Variants in ZFP36L1 observed in about 807,000 individuals in gnomAD.
ZFP36L1 encodes the protein ZFP36 like 1 zinc finger CCCH-type, also known as mRNA decay activator protein ZFP36L1.
ZFP36L1 carries 4 observed loss-of-function variants against 16.7 expected under a neutral mutation model. That is an observed-to-expected ratio of 0.24 (90% CI 0.12 to 0.55). ZFP36L1 has a LOEUF of 0.55. Among genes scored for constraint, ZFP36L1 ranks in the 20% least tolerant of loss-of-function variants. The pLI, the probability that ZFP36L1 is intolerant of heterozygous loss-of-function variation, is 0.94. For missense variants in ZFP36L1, 311 were observed against 449.2 expected (o/e 0.69, Z 2.78); for synonymous variants, 220 against 190.8 (o/e 1.15, Z -1.26).
upstream of ZFP36L1, chr14:68,793,800 G>A (rs912375810): frequency 1.2e-5 from 12 of 984,996 alleles, no homozygotes; most frequent in Non-Finnish European, 1.4e-5. Flanking sequence ...CGCGCTGCTG[G>A]GGGGACTAGG....
upstream of ZFP36L1, chr14:68,793,519 G>C: frequency 1.0e-6 from 1 of 985,964 alleles, no homozygotes; most frequent in Admixed American, 6.1e-5. Context: ...GTTTTTTGTT[G>C]GGCAGGAAGG....
chr14:68,793,711 T>C (rs1214334246), upstream of ZFP36L1: 1 of 985,398 alleles, frequency 1.0e-6, no homozygotes, highest in African/African-American at 1.7e-5. Flanking sequence ...CCGAGGACAT[T>C]AGAAATTTGG....
upstream of ZFP36L1, chr14:68,793,124 G>A: frequency 1.5e-6 from 2 of 1,369,610 alleles, no homozygotes; most frequent in Non-Finnish European, 1.9e-6. Context: ...GCCGGGGGGA[G>A]GAGGAGCTTT....
chr14:68,795,082 CA>C (rs371579139), upstream of ZFP36L1, among the ~76,000 whole-genome samples: 121 of 152,234 alleles, frequency 7.9e-4, no homozygotes, highest in African/African-American at 2.9e-3. Context: ...TAATTTAAAT[CA>C]TTCAAGTGTA....
chr14:68,792,781 C>G, intron 1 of ZFP36L1, 101 bp downstream of exon 1: 1 of 1,492,218 alleles, frequency 6.7e-7, no homozygotes, highest in Non-Finnish European at 9.3e-7. Flanking sequence ...TCTCGCTGCA[C>G]CACTTTCCCC....
At chr14:68,791,658 G>C (rs1290040381) in intron 1 of ZFP36L1, among the ~76,000 whole-genome samples, 2 of 151,664 alleles carry the variant, frequency 1.3e-5, no homozygotes, top group Admixed American at 1.3e-4. Context: ...AGTCGTGAGG[G>C]GGGAGGGGGG....
At chr14:68,792,307 C>T (rs1895101910) in intron 1 of ZFP36L1, among the ~76,000 whole-genome samples, 2 of 152,146 alleles carry the variant, frequency 1.3e-5, no homozygotes, top group East Asian at 1.9e-4. Context: ...CGGGAAGAAG[C>T]CCAACGGAGC....
In ZFP36L1 at chr14:68,789,415, G is replaced by T; in HGVS notation, c.*118C>A. Reference sequence around the variant, plus strand: ...TCTGAGGTGCTGGGGGAAAGGGGTTGAGCTTAACCTTGTTAATGTAGGGCC... The same window carrying T: ...TCTGAGGTGCTGGGGGAAAGGGGTTTAGCTTAACCTTGTTAATGTAGGGCC... On this transcript the variant is annotated 3_prime_UTR_variant, in exon 2 of 2. Transcript: ENST00000439696. This position sits in a 1 kb window ranked among gnomAD's most constrained non-coding sequence, Gnocchi z 4.5. The T allele has an allele frequency of 2.0e-6, 3 of 1,472,614 alleles. No individual in the cohort carries two copies. Among genetic ancestry groups the T allele is most frequent in the Non-Finnish European group, 2.8e-6 (3 of 1,083,858 alleles). The allele number at this position is 1,472,614 out of a possible 1,614,324, so 91.2% of individuals were successfully genotyped here.
Position 68,789,415 on chromosome 14 carries a change from G to C in ZFP36L1, c.*118C>G. 6.8e-7 allele frequency: 1 copy of C among 1,472,616 alleles called. No homozygotes were observed. The highest frequency in any genetic ancestry group is 1.4e-5 in the African/African-American group (1 of 71,604). 91.2% of individuals were successfully genotyped at this position (1,472,616 alleles called of 1,614,324 possible). On this transcript the variant is annotated 3_prime_UTR_variant, in exon 2 of 2. Transcript: ENST00000439696. The surrounding 1 kb of genome is among the most constrained non-coding windows in gnomAD (Gnocchi z 4.5). ...TCTGAGGTGCTGGGGGAAAGGGGTT[G>C]AGCTTAACCTTGTTAATGTAGGGCC...
At chr14:68,795,650 G>A (rs1467761284), upstream of ZFP36L1, 12 of 390,772 alleles carry the variant, frequency 3.1e-5, no homozygotes, top group Non-Finnish European at 5.7e-5. Context: ...CCCTCTCCCC[G>A]GGGGCGCGGG....
At chr14:68,791,283 A>G (rs1895062493) in intron 1 of ZFP36L1, 3 of 547,162 alleles carry the variant, frequency 5.5e-6, no homozygotes, top group Non-Finnish European at 9.7e-6. Context: ...TAAGAGCTCC[A>G]GTGTTTAATC....
At chr14:68,796,144 C>A, upstream of ZFP36L1, 1 of 1,366,354 alleles carries the variant, frequency 7.3e-7, no homozygotes. Flanking sequence ...TCCGGGCCCT[C>A]CCCATTCGCC....
rs983275312 is a variant in ZFP36L1, at chr14:68,788,658, A to G, written c.*875T>C. On this transcript the variant is annotated 3_prime_UTR_variant, in exon 2 of 2. Transcript: ENST00000439696. The stretch of plus-strand genomic sequence containing the variant: ...TATTTTTTTTAAAAAGATGTCACAT[A>G]TGAACTGGGGAACTTTAGCACCAAA... 1 of 151,268 alleles carries G rather than the reference A, an allele frequency of 6.6e-6. No homozygotes were observed. The highest frequency in any genetic ancestry group is 1.5e-5 in the Non-Finnish European group (1 of 67,876). The allele number at this position is 151,268 out of a possible 1,614,324, so 9.4% of individuals were successfully genotyped here.
At position 68,789,895 on chromosome 14, in the gene ZFP36L1, G is replaced by A; in HGVS notation, c.655C>T (p.Leu219=). 1 of 1,610,214 alleles carries A rather than the reference G, an allele frequency of 6.2e-7. No individual in the cohort carries two copies. ...SAAATAAATG[L]LDSPTSITPP... ...GTGATGGACGTGGGGCTGTCCAGCAGCCCGGTGGCAGCGGCGGTGGCAGCG... is the reference window on the plus strand; with the variant it reads ...GTGATGGACGTGGGGCTGTCCAGCAACCCGGTGGCAGCGGCGGTGGCAGCG... Residue 219 remains leucine, a synonymous_variant, in exon 2 of 2, where the codon CTG becomes TTG. Coordinates refer to ENST00000439696, the MANE Select transcript of ZFP36L1 (RefSeq NM_004926.4). This position sits in a 1 kb window ranked among gnomAD's most constrained non-coding sequence, Gnocchi z 4.5.
rs1027453735 is a variant in ZFP36L1 at position 68,789,326 on chromosome 14, G to T, written c.*207C>A. ...GGGAGGGGGTTTCAAGCCAGAAGAA[G>T]CTACTGACAAATTGACTTGTCCTTA... On this transcript the variant is annotated 3_prime_UTR_variant, in exon 2 of 2. Coordinates refer to ENST00000439696, the MANE Select transcript of ZFP36L1 (RefSeq NM_004926.4). This position sits in a 1 kb window ranked among gnomAD's most constrained non-coding sequence, Gnocchi z 4.5. The T allele has an allele frequency of 1.2e-5, 8 of 652,078 alleles. No individual in the cohort carries two copies. The South Asian group carries it at 2.0e-4, about 16-fold the overall frequency. 40.4% of individuals were successfully genotyped at this position (652,078 alleles called of 1,614,324 possible). A position where few individuals can be genotyped will look rare whatever the true frequency, so the allele number is the denominator to read the frequency against.
upstream of ZFP36L1, chr14:68,795,988 G>A (rs376215452): frequency 5.3e-6 from 7 of 1,318,938 alleles, no homozygotes; most frequent in African/African-American, 9.0e-5. Context: ...GAGGCGAGGC[G>A]TGCGTGGCCG....
chr14:68,790,613 G>A, intron 1 of ZFP36L1, 121 bp from the exon 2 acceptor site: 3 of 1,339,144 alleles, frequency 2.2e-6, no homozygotes, highest in Middle Eastern at 4.4e-4. Context: ...CTCTACCTCG[G>A]CTCTAGCAAG....
intron 1 of ZFP36L1, among the ~76,000 whole-genome samples, chr14:68,792,266 A>AC (rs1895099312): frequency 6.8e-6 from 1 of 146,838 alleles, no homozygotes; most frequent in African/African-American, 2.6e-5. Flanking sequence ...TGCCTCTTTC[A>AC]CCCCAAAGTT....
chr14:68,790,485 T>C lies in ZFP36L1; in HGVS notation c.65A>G (p.Lys22Arg). ...DLSEVLCKGN[K>R]MLNYSAPSAG... ...ACTGGGAGCACTATAGTTGAGCATC[T>C]TGTTACCCTGGAGAGAGAAGAGAAA... The change falls in exon 2 of 2, where the codon AAG becomes AGG. Residue 22 changes from lysine (K) to arginine (R), a missense_variant. Around this residue, in one of 4 missense-constraint regions of ZFP36L1, gnomAD observed 137 missense variants for 142.6 expected, o/e 0.96. Transcript: ENST00000439696. 4 of 1,613,950 alleles carry C rather than the reference T, an allele frequency of 2.5e-6. No homozygotes were observed. Among genetic ancestry groups the C allele is most frequent in the Non-Finnish European group, 3.4e-6 (4 of 1,179,958 alleles).
Sources: gnomAD v4.1 joint callset for allele counts (sites outside exome capture counted in the v4.1 genomes callset) on GRCh38, gnomAD v4.1.1 for gene constraint, gnomAD v4.1.1 regional missense constraint, Gnocchi (gnomAD v3.1) non-coding constraint, MANE v1.5 for transcripts, NCBI Gene and HGNC (gene_info 2026-07-23, HGNC 2026-07-21) for gene names.